Variants in UBL3 observed in about 807,000 individuals in gnomAD.
UBL3 encodes the protein ubiquitin-like protein 3.
UBL3 carries 6 observed loss-of-function variants against 18.4 expected under a neutral mutation model. The ratio of observed to expected loss-of-function variants is 0.33; its 90% CI spans 0.18 to 0.64. The LOEUF (loss-of-function observed/expected upper bound fraction) is 0.64. Ranked by LOEUF, UBL3 falls within the 30% of genes least tolerant of loss-of-function variation. The pLI is 0.76. For missense variants in UBL3, 109 were observed against 142.9 expected (o/e 0.76, Z 1.21); for synonymous variants, 49 against 46.6 (o/e 1.05, Z -0.21).
chr13:29,767,129 G>A lies in UBL3; in HGVS notation c.*126C>T. The stretch of plus-strand genomic sequence containing the variant: ...TGAGAAAAGATGACAGTGTTCATGT[G>A]GTAATTCAGTTCCATGTGTTTACAG... On this transcript the variant is annotated 3_prime_UTR_variant, in exon 5 of 5. Transcript: ENST00000380680. 1 of 826,878 alleles carries A rather than the reference G, an allele frequency of 1.2e-6. No homozygotes were observed. The highest frequency in any genetic ancestry group is 1.9e-6 in the Non-Finnish European group (1 of 531,708). The allele number at this position is 826,878 out of a possible 1,614,324, so 51.2% of individuals were successfully genotyped here. A position where few individuals can be genotyped will look rare whatever the true frequency, so the allele number is the denominator to read the frequency against.
intron 1 of UBL3, among the ~76,000 whole-genome samples, chr13:29,829,415 C>A (rs1010508792): frequency 1.3e-5 from 2 of 152,244 alleles, no homozygotes; most frequent in African/African-American, 4.8e-5. Flanking sequence ...AGCCTCGCTG[C>A]TGCCTTGCAG....
rs1879321699 is a variant in UBL3, at chr13:29,849,753, G to A, written c.-215C>T. On this transcript the variant is annotated 5_prime_UTR_variant, in exon 1 of 5. Coordinates refer to ENST00000380680, the MANE Select transcript of UBL3 (RefSeq NM_007106.4). Reference sequence around the variant, plus strand: ...CCCAGGAGCTGTGTGGCCGGAGCAGGAGGAAACTCCCGGGACAGCAGAGGC... The same window carrying A: ...CCCAGGAGCTGTGTGGCCGGAGCAGAAGGAAACTCCCGGGACAGCAGAGGC... 4.7e-6 allele frequency: 3 copies of A among 633,904 alleles called. No homozygotes were observed. The highest frequency in any genetic ancestry group is 1.9e-5 in the South Asian group (1 of 51,600). 39.3% of individuals were successfully genotyped at this position (633,904 alleles called of 1,614,324 possible).
chr13:29,835,136 ATATATATATATATATATAT>A (rs1878914100), intron 1 of UBL3, among the ~76,000 whole-genome samples: 7 of 8,734 alleles, frequency 8.0e-4, no homozygotes, highest in East Asian at 7.5e-3. Flanking sequence ...ATATATATAT[ATATATATATATATATATAT>A]ATATATATAT....
chr13:29,792,625 C>A (rs928014953), intron 1 of UBL3, among the ~76,000 whole-genome samples: 3 of 152,026 alleles, frequency 2.0e-5, no homozygotes, highest in African/African-American at 7.3e-5. Flanking sequence ...TAGTGGTGCC[C>A]CAGAAAGCCA....
chr13:29,821,799 A>G (rs1416370438), intron 1 of UBL3, among the ~76,000 whole-genome samples: 1 of 152,188 alleles, frequency 6.6e-6, no homozygotes, highest in Non-Finnish European at 1.5e-5. Context: ...TCGTACAGAA[A>G]TACAAAATAT....
intron 1 of UBL3, among the ~76,000 whole-genome samples, chr13:29,830,143 T>A (rs1334106360): frequency 2.0e-5 from 3 of 152,232 alleles, no homozygotes; most frequent in Admixed American, 2.0e-4. Context: ...CAGAGTAGAC[T>A]GCTATCCCTT....
At chr13:29,840,211 C>T (rs1328513466) in intron 1 of UBL3, among the ~76,000 whole-genome samples, 1 of 152,126 alleles carries the variant, frequency 6.6e-6, no homozygotes, top group East Asian at 1.9e-4. Context: ...AAAGGATACA[C>T]ACACACACAC....
At chr13:29,839,239 A>G (rs957742057) in intron 1 of UBL3, among the ~76,000 whole-genome samples, 1 of 152,216 alleles carries the variant, frequency 6.6e-6, no homozygotes, top group African/African-American at 2.4e-5. Context: ...AACTGACCAT[A>G]AAGCAAGTGT....
In UBL3 at chr13:29,785,234, T is replaced by C. The variant is rs528877991; in HGVS notation, c.28-7971A>G. Among the ~76,000 whole-genome samples, 10 of 152,290 alleles carry C rather than the reference T, an allele frequency of 6.6e-5. No individual in the cohort carries two copies. The South Asian group carries it at 1.9e-3, about 28-fold the overall frequency. The stretch of plus-strand genomic sequence containing the variant: ...CATTATCAATTTCTTGTTGTGATAC[T>C]GCACTGTGATTATGTAAGATGTTAC... On this transcript the variant is annotated intron_variant, in intron 1 of 4. Transcript: ENST00000380680.
chr13:29,839,984 CTT>C (rs1401155445), intron 1 of UBL3, among the ~76,000 whole-genome samples: 1 of 148,378 alleles, frequency 6.7e-6, no homozygotes, highest in African/African-American at 2.5e-5. Context: ...CAATTAATGA[CTT>C]AAGTACTCAT....
At chr13:29,787,162 T>C (rs1447206785) in intron 1 of UBL3, among the ~76,000 whole-genome samples, 1 of 152,184 alleles carries the variant, frequency 6.6e-6, no homozygotes, top group African/African-American at 2.4e-5. Context: ...TTGCTTTCTA[T>C]GTAAACTGTT....
chr13:29,783,606 A>G (rs1163829999), intron 1 of UBL3, among the ~76,000 whole-genome samples: 2 of 152,222 alleles, frequency 1.3e-5, no homozygotes, highest in African/African-American at 2.4e-5. Context: ...GCTTATTCAG[A>G]TAAATAATGT....
intron 1 of UBL3, among the ~76,000 whole-genome samples, chr13:29,816,626 A>G (rs1039094733): frequency 1.3e-5 from 2 of 151,800 alleles, no homozygotes; most frequent in African/African-American, 4.8e-5. Context: ...ATGGTGGCAC[A>G]TGCCTGTGGT....
intron 3 of UBL3, among the ~76,000 whole-genome samples, chr13:29,768,214 T>C (rs1036906255): frequency 6.6e-6 from 1 of 152,102 alleles, no homozygotes; most frequent in African/African-American, 2.4e-5. Context: ...AAGATTAGGT[T>C]AAAATAATCA....
At chr13:29,829,382 G>C (rs1047889344) in intron 1 of UBL3, among the ~76,000 whole-genome samples, 13 of 152,238 alleles carry the variant, frequency 8.5e-5, no homozygotes, top group Non-Finnish European at 5.9e-5. Flanking sequence ...TCAAGCCTCA[G>C]CAATGGCGGG....
chr13:29,822,621 T>C (rs964799444), intron 1 of UBL3, among the ~76,000 whole-genome samples: 3 of 152,178 alleles, frequency 2.0e-5, no homozygotes, highest in African/African-American at 7.2e-5. Context: ...CACTGCAGTC[T>C]CAAACTACTG....
chr13:29,808,695 A>G lies in UBL3; in HGVS notation c.28-31432T>C, dbSNP rs529592059. ...AGTCACATGCCTAGTAGCAAGACCA[A>G]TGCTTACACAAAGTTAAATATCCTA... is the stretch of plus-strand genomic sequence containing the variant. On this transcript the variant is annotated intron_variant, in intron 1 of 4. Transcript: ENST00000380680. Among the ~76,000 whole-genome samples the G allele has an allele frequency of 1.2e-4, 18 of 152,278 alleles. No individual in the cohort carries two copies. The South Asian group carries it at 1.2e-3, about 11-fold the overall frequency.
chr13:29,779,934 A>C (rs1877104044), intron 1 of UBL3, among the ~76,000 whole-genome samples: 1 of 152,190 alleles, frequency 6.6e-6, no homozygotes. Context: ...AAGAAGAGAA[A>C]GAGCTCGGCT....
chr13:29,829,394 GC>G (rs1565999759), intron 1 of UBL3, among the ~76,000 whole-genome samples: 1 of 152,204 alleles, frequency 6.6e-6, no homozygotes, highest in African/African-American at 2.4e-5. Flanking sequence ...AATGGCGGGC[GC>G]CCCTCCCCCA....
Sources: allele counts gnomAD v4.1 joint callset (sites outside exome capture counted in the v4.1 genomes callset), GRCh38; gene constraint gnomAD v4.1.1; transcripts MANE v1.5; gene names NCBI Gene and HGNC (gene_info 2026-07-23, HGNC 2026-07-21).